VPS9D1: variants seen among roughly 807,000 people sequenced by gnomAD.
The protein encoded by VPS9D1 is VPS9 domain-containing protein 1.
A neutral mutation model predicts 75.8 loss-of-function variants in VPS9D1; 78 were observed. The observed-to-expected ratio is 1.03, with a 90% CI of 0.86 to 1.24. The LOEUF (loss-of-function observed/expected upper bound fraction) is 1.24. Ranked by LOEUF, VPS9D1 falls within the 50% of genes most tolerant of loss-of-function variation. The probability of loss-of-function intolerance (pLI) is 0.00; values close to 1 mark genes in which losing one functional copy is unlikely to be tolerated. For missense variants in VPS9D1, 1,057 were observed against 847.7 expected (o/e 1.25, Z -3.07); for synonymous variants, 481 against 385.6 (o/e 1.25, Z -2.90).
chr16:89,711,797 C>A lies in VPS9D1; in HGVS notation c.747+85G>T, dbSNP rs920571154. 16 of 1,467,244 alleles carry A rather than the reference C, an allele frequency of 1.1e-5. No individual in the cohort carries two copies. The African/African-American group carries it at 2.0e-4, about 18-fold the overall frequency. The allele number at this position is 1,467,244 out of a possible 1,614,324, so 90.9% of individuals were successfully genotyped here. A position where few individuals can be genotyped will look rare whatever the true frequency, so the allele number is the denominator to read the frequency against. ...GCCCCCCACAGCCTCTGGCTCCGCC[C>A]CCCACGGGGGCCCACCCAGGCGGCT... On this transcript the variant is annotated intron_variant, in intron 8 of 14. Transcript: ENST00000389386.
In VPS9D1 at chr16:89,707,918, T is replaced by C; in HGVS notation, c.1839A>G (p.Ser613=). 1 of 1,612,950 alleles carries C rather than the reference T, an allele frequency of 6.2e-7. No individual in the cohort carries two copies. The highest frequency in any genetic ancestry group is 8.5e-7 in the Non-Finnish European group (1 of 1,179,902). The change falls in exon 15 of 15, where the codon TCA becomes TCG. Residue 613 remains serine, a synonymous_variant. Coordinates refer to ENST00000389386, the MANE Select transcript of VPS9D1 (RefSeq NM_004913.3). The stretch of plus-strand genomic sequence containing the variant: ...CCACGTAGCTCAGGGCACTCTGCAG[T>C]GATGTGAGGCAGTAGCCCTCCTCTC... ...LIGEEGYCLT[S]LQSALSYVEL... is the part of the protein sequence containing the mutation.
chr16:89,708,806 C>T (rs776831304), intron 13 of VPS9D1, 51 bp downstream of exon 13: 2 of 1,500,806 alleles, frequency 1.3e-6, no homozygotes, highest in South Asian at 2.5e-5. Context: ...GTGACCATTG[C>T]CTTTCTAGGG....
At chr16:89,712,813 C>G in intron 4 of VPS9D1, 97 bp from the exon 5 acceptor site, 2 of 1,134,524 alleles carry the variant, frequency 1.8e-6, no homozygotes, top group Middle Eastern at 2.3e-4. Flanking sequence ...GCTCTGAGGC[C>G]AGGAGGTGAG....
At chr16:89,710,102 T>C (rs117570427) in intron 10 of VPS9D1, among the ~76,000 whole-genome samples, 196 bp from the exon 11 acceptor site, 6,365 of 152,204 alleles carry the variant, frequency 0.042, 577 homozygotes, top group East Asian at 0.39. Flanking sequence ...TGCTGCCCTG[T>C]TGGGCCAGCA....
At position 89,707,308 on chromosome 16, in the gene VPS9D1, T is replaced by A. The variant is rs1248501008; in HGVS notation, c.*553A>T. ...GTCCTGGGCTCAGAGCCCGAGACCC[T>A]GCAGGGGTGTCCCTGCCCATCAGCA... On this transcript the variant is annotated 3_prime_UTR_variant, in exon 15 of 15. Coordinates refer to ENST00000389386, the MANE Select transcript of VPS9D1 (RefSeq NM_004913.3). 1 of 154,090 alleles carries A rather than the reference T, an allele frequency of 6.5e-6. No homozygotes were observed. The highest frequency in any genetic ancestry group is 2.4e-5 in the African/African-American group (1 of 41,464). 9.5% of individuals were successfully genotyped at this position (154,090 alleles called of 1,614,324 possible).
At chr16:89,711,587 C>A (rs2060922950) in intron 8 of VPS9D1, 175 bp from the exon 9 acceptor site, 5 of 625,118 alleles carry the variant, frequency 8.0e-6, no homozygotes, top group South Asian at 7.9e-5. Flanking sequence ...CCGAGGGAAA[C>A]CTTAGGCGAA....
Position 89,711,870 on chromosome 16 carries a change from T to TG in VPS9D1, c.747+11dup, listed in dbSNP as rs1474641233. 1.3e-6 allele frequency: 2 copies of TG among 1,549,208 alleles called. No homozygotes were observed. Among genetic ancestry groups the TG allele is most frequent in the African/African-American group, 2.7e-5 (2 of 72,930 alleles). On this transcript the variant is annotated intron_variant, in intron 8 of 14. Transcript: ENST00000389386. ...GCTCCTCCTACAAAGCCTGGGCCCGTGGGGGACGCACATGGTCCTGTTCGT... is the reference window on the plus strand; with the variant it reads ...GCTCCTCCTACAAAGCCTGGGCCCGTGGGGGGACGCACATGGTCCTGTTCGT...
intron 1 of VPS9D1, 56 bp downstream of exon 1, chr16:89,720,707 G>T: frequency 7.4e-7 from 1 of 1,342,444 alleles, no homozygotes; most frequent in Non-Finnish European, 9.6e-7. Context: ...TCCCCGGGCG[G>T]GGGTCCCTCC....
In VPS9D1 at chr16:89,711,349, T is replaced by C. The variant is rs201577505; in HGVS notation, c.811A>G (p.Ser271Gly). The part of the protein sequence containing the change: ...RNPGDLSLVT[S>G]LVSHLLSLPD... Reference sequence around the variant, plus strand: ...TACCTGAGCAGGTGTGAGACCAGGCTGGTCACGAGTGACAGGTCCCCCGGA... The same window carrying C: ...TACCTGAGCAGGTGTGAGACCAGGCCGGTCACGAGTGACAGGTCCCCCGGA... The change falls in exon 9 of 15, where the codon AGC (serine) becomes GGC (glycine). Residue 271 changes from serine to glycine, a missense_variant. Coordinates refer to ENST00000389386, the MANE Select transcript of VPS9D1 (RefSeq NM_004913.3). 1,243 of 1,610,882 alleles carry C rather than the reference T, an allele frequency of 7.7e-4. 1 individual carries two copies. The highest frequency in any genetic ancestry group is 1.7e-3 in the Middle Eastern group (10 of 6,054).
chr16:89,709,965 C>T, intron 10 of VPS9D1, 59 bp from the exon 11 acceptor site: 2 of 1,535,134 alleles, frequency 1.3e-6, no homozygotes, highest in Non-Finnish European at 1.7e-6. Flanking sequence ...GGTCAAGTGG[C>T]TCTAAGCCAC....
In VPS9D1 at chr16:89,712,043, C is replaced by A. The variant is rs111475886; in HGVS notation, c.659+4G>T. On this transcript the variant is annotated splice_donor_region_variant and intron_variant, in intron 7 of 14. Transcript: ENST00000389386. The stretch of plus-strand genomic sequence containing the variant: ...GCGGCCCCAGGGGCGGGCAGGAGTC[C>A]CACCTGTTGGCGGCCTCCTGGAGCC... 1.7e-5 allele frequency: 26 copies of A among 1,548,994 alleles called. No homozygotes were observed. Among genetic ancestry groups the A allele is most frequent in the Non-Finnish European group, 6.1e-6 (7 of 1,146,760 alleles).
chr16:89,707,799 G>T lies in VPS9D1; in HGVS notation c.*62C>A. The T allele has an allele frequency of 6.8e-7, 1 of 1,468,796 alleles. No individual in the cohort carries two copies. Among genetic ancestry groups the T allele is most frequent in the Non-Finnish European group, 9.5e-7 (1 of 1,051,982 alleles). The allele number at this position is 1,468,796 out of a possible 1,614,324, so 91.0% of individuals were successfully genotyped here. ...CTCAGTAGATCCCATGGCTCCAGGTGTAGGAGAGACAGCCCTGGGAGGCGA... is the reference window on the plus strand; with the variant it reads ...CTCAGTAGATCCCATGGCTCCAGGTTTAGGAGAGACAGCCCTGGGAGGCGA... On this transcript the variant is annotated 3_prime_UTR_variant, in exon 15 of 15. Transcript: ENST00000389386.
Position 89,709,886 on chromosome 16 carries a change from G to C in VPS9D1, c.1279C>G (p.Leu427Val). ...GTGTTTAGGCCTTCGAAGGCCAGAA[G>C]GGTCAGCGAGAGCAGCCTGTCTGCT... ...NAVDRLLSLTLLAFEGLNTAA... is the reference protein window; with the variant it reads ...NAVDRLLSLTVLAFEGLNTAA... The change falls in exon 11 of 15, where the codon CTT (leucine) becomes GTT (valine). Residue 427 changes from leucine to valine, a missense_variant. By Grantham distance (32) the Leu-to-Val change is conservative (BLOSUM62 1). Coordinates refer to ENST00000389386, the MANE Select transcript of VPS9D1 (RefSeq NM_004913.3). 1 of 1,611,986 alleles carries C rather than the reference G, an allele frequency of 6.2e-7. No homozygotes were observed. Among genetic ancestry groups the C allele is most frequent in the Non-Finnish European group, 8.5e-7 (1 of 1,179,002 alleles).
chr16:89,709,776 C>G lies in VPS9D1; in HGVS notation c.1388+1G>C. On this transcript the variant is annotated splice_donor_variant, in intron 11 of 14. Transcript: ENST00000389386. LOFTEE classifies it high-confidence loss of function. ...AGGTGGTTGTACAGCTGGGTCCATA[C>G]CTGTACAGGGCCAGCAGCAGAGGCC... 1.2e-6 allele frequency: 2 copies of G among 1,613,666 alleles called. No homozygotes were observed. The highest frequency in any genetic ancestry group is 1.7e-6 in the Non-Finnish European group (2 of 1,179,942).
rs192433178 is a variant in VPS9D1 at position 89,720,181 on chromosome 16, G to A, written c.99+582C>T. On this transcript the variant is annotated intron_variant, in intron 1 of 14. Coordinates refer to ENST00000389386, the MANE Select transcript of VPS9D1 (RefSeq NM_004913.3). ...GGGAAAGCAGCAGATTCAGGAACGA[G>A]GCTTCTCCTAGGCACAGGCAGGCTC... Among the ~76,000 whole-genome samples, 24 of 152,342 alleles carry A rather than the reference G, an allele frequency of 1.6e-4. No individual in the cohort carries two copies. In the East Asian group the frequency reaches 4.6e-3, roughly 29 times the overall value.
chr16:89,719,594 A>T (rs2061188160), intron 1 of VPS9D1, among the ~76,000 whole-genome samples: 1 of 152,230 alleles, frequency 6.6e-6, no homozygotes, highest in African/African-American at 2.4e-5. Context: ...TTAAGTTCCG[A>T]GAAATCCCTT....
At chr16:89,711,271 C>T in intron 9 of VPS9D1, 56 bp downstream of exon 9, 1 of 1,526,992 alleles carries the variant, frequency 6.5e-7, no homozygotes, top group Non-Finnish European at 8.9e-7. Context: ...TGGCACCAGG[C>T]AGAGGTGCCC....
intron 9 of VPS9D1, 68 bp downstream of exon 9, chr16:89,711,259 C>A: frequency 6.7e-7 from 1 of 1,499,282 alleles, no homozygotes; most frequent in South Asian, 1.2e-5. Flanking sequence ...CTCTCCGGCA[C>A]CTGGCACCAG....
intron 4 of VPS9D1, among the ~76,000 whole-genome samples, chr16:89,715,534 T>G (rs1404245745): frequency 1.3e-5 from 2 of 151,860 alleles, no homozygotes; most frequent in Admixed American, 6.6e-5. Context: ...TCATTTTTTT[T>G]TTTTTTAGAC....
Sources: gnomAD v4.1 joint callset for allele counts (sites outside exome capture counted in the v4.1 genomes callset) on GRCh38, gnomAD v4.1.1 for gene constraint, MANE v1.5 for transcripts, NCBI Gene and HGNC (gene_info 2026-07-23, HGNC 2026-07-21) for gene names.